EIF2S3: variants seen among roughly 807,000 people sequenced by gnomAD.
EIF2S3 encodes the protein eukaryotic translation initiation factor 2 subunit 3.
EIF2S3 carries 2 observed loss-of-function variants against 31.7 expected under a neutral mutation model. That is an observed-to-expected ratio of 0.06 (90% CI 0.03 to 0.20). The LOEUF is 0.20. EIF2S3 is among the 10% of genes least tolerant of loss of function. The pLI is 1.00. For missense variants in EIF2S3, 96 were observed against 359.3 expected (o/e 0.27, Z 5.92); for synonymous variants, 120 against 126.7 (o/e 0.95, Z 0.36).
intron 2 of EIF2S3, among the ~76,000 whole-genome samples, chrX:24,056,670 C>T (rs183375467): frequency 9.0e-5 from 10 of 111,146 alleles, no homozygotes; most frequent in Non-Finnish European, 1.7e-4. Flanking sequence ...ACCACCTGGG[C>T]AACGTGGCCA....
intron 11 of EIF2S3, among the ~76,000 whole-genome samples, chrX:24,076,351 G>C (rs903611394): frequency 1.8e-5 from 2 of 111,013 alleles, no homozygotes; most frequent in Non-Finnish European, 3.8e-5. Flanking sequence ...GGCCGACATA[G>C]TGAAACCCCA....
chrX:24,059,491 T>G (rs1930459000), intron 4 of EIF2S3, among the ~76,000 whole-genome samples: 1 of 110,196 alleles, frequency 9.1e-6, no homozygotes, highest in East Asian at 2.8e-4. Context: ...GGTGCTATCT[T>G]GGCGCATTGC....
At chrX:24,070,283 C>T (rs937123993) in intron 9 of EIF2S3, among the ~76,000 whole-genome samples, 2 of 106,366 alleles carry the variant, frequency 1.9e-5, no homozygotes, top group Non-Finnish European at 3.9e-5. Flanking sequence ...GATCACACCA[C>T]TGCACTCCAG....
At chrX:24,057,290 A>G (rs1475768153) in intron 2 of EIF2S3, 131 bp from the exon 3 acceptor site, 11 of 838,785 alleles carry the variant, frequency 1.3e-5, no homozygotes, top group South Asian at 2.9e-5. Flanking sequence ...CGGCCTCCCA[A>G]AGTGCTGGGA....
chrX:24,076,620 T>C (rs758821796), intron 11 of EIF2S3, 102 bp from the exon 12 acceptor site: 1 of 813,935 alleles, frequency 1.2e-6, no homozygotes, highest in Non-Finnish European at 1.8e-6. Context: ...GGGAACAAAT[T>C]TGAATTCAGA....
rs747088489 is a variant in EIF2S3 at position 24,076,924 on chromosome X, C to CTTTTTTTTTTTTTTT, written c.*140_*141insTTTTTTTTTTTTTTT. 3 of 106,658 alleles carry CTTTTTTTTTTTTTTT rather than the reference C, an allele frequency of 2.8e-5. 1 individual carries two copies. Among genetic ancestry groups the CTTTTTTTTTTTTTTT allele is most frequent in the Non-Finnish European group, 3.1e-5 (2 of 65,475 alleles). 8.8% of individuals were successfully genotyped at this position (106,658 alleles called of 1,213,427 possible). A position where few individuals can be genotyped will look rare whatever the true frequency, so the allele number is the denominator to read the frequency against. ...CTTAGTAGGTAACGGTAAGGTTATT[C>CTTTTTTTTTTTTTTT]TCTTTTTTTTTTTTTTTTTTTTTGG... On this transcript the variant is annotated 3_prime_UTR_variant, in exon 12 of 12. Transcript: ENST00000253039.
chrX:24,068,481 G>T (rs1183685090), intron 9 of EIF2S3, among the ~76,000 whole-genome samples: 1 of 108,313 alleles, frequency 9.2e-6, no homozygotes, highest in Admixed American at 9.9e-5. Flanking sequence ...GTCTCGCTGT[G>T]TCCTCCAGGC....
At chrX:24,070,447 T>A (rs1930651100) in intron 9 of EIF2S3, among the ~76,000 whole-genome samples, 2 of 80,922 alleles carry the variant, frequency 2.5e-5, no homozygotes, top group South Asian at 1.3e-3. Context: ...TAGTTTTTTT[T>A]TTTTTTTTTT....
intron 10 of EIF2S3, among the ~76,000 whole-genome samples, chrX:24,071,992 C>T (rs781427239): frequency 9.3e-6 from 1 of 107,396 alleles, no homozygotes; most frequent in Non-Finnish European, 1.9e-5. Flanking sequence ...TCTCTTGCCT[C>T]GGTTTCCCAA....
Position 24,076,707 on chromosome X carries a change from A to G in EIF2S3, c.1356-15A>G, listed in dbSNP as rs1226851089. 3 of 1,198,973 alleles carry G rather than the reference A, an allele frequency of 2.5e-6. No homozygotes were observed. Among genetic ancestry groups the G allele is most frequent in the Non-Finnish European group, 3.4e-6 (3 of 889,410 alleles). On this transcript the variant is annotated splice_polypyrimidine_tract_variant and intron_variant, in intron 11 of 11. Coordinates refer to ENST00000253039, the MANE Select transcript of EIF2S3 (RefSeq NM_001415.4). ...GGATGTAAGATTTATGATTTCTTTT[A>G]TTTTCATTTTGCAGTTTAATTGGTT...
Position 24,073,124 on chromosome X carries a change from G to A in EIF2S3, c.1216G>A (p.Val406Met), listed in dbSNP as rs1930697940. Residue 406 changes from valine to methionine, a missense_variant, in exon 11 of 12, where the codon GTG becomes ATG. Coordinates refer to ENST00000253039, the MANE Select transcript of EIF2S3 (RefSeq NM_001415.4). ...QKLSKNEVLM[V>M]NIGSLSTGGR... ...GCTGTCTAAGAATGAAGTGCTCATG[G>A]TGAACATAGGATCCCTGTCAACAGG... 1 of 1,208,764 alleles carries A rather than the reference G, an allele frequency of 8.3e-7. No individual in the cohort carries two copies. Among genetic ancestry groups the A allele is most frequent in the Non-Finnish European group, 1.1e-6 (1 of 894,936 alleles).
intron 5 of EIF2S3, among the ~76,000 whole-genome samples, chrX:24,061,820 G>A (rs1487235989): frequency 9.0e-6 from 1 of 110,881 alleles, no homozygotes; most frequent in Non-Finnish European, 1.9e-5. Context: ...AGCTTGCCTG[G>A]GCCAGAACAT....
intron 4 of EIF2S3, among the ~76,000 whole-genome samples, chrX:24,059,278 A>T (rs1002861699): frequency 1.8e-5 from 2 of 112,220 alleles, no homozygotes; most frequent in Non-Finnish European, 3.8e-5. Context: ...GTTTTAGATC[A>T]TGACAATGTG....
intron 10 of EIF2S3, 109 bp from the exon 11 acceptor site, chrX:24,072,982 T>A: frequency 1.1e-6 from 1 of 881,974 alleles, no homozygotes; most frequent in Non-Finnish European, 1.6e-6. Context: ...TCTATAGAAT[T>A]TTTTTTATGA....
rs966589413 is a variant in EIF2S3, at chrX:24,062,426, A to G, written c.489A>G (p.Glu163=). 6 of 1,197,132 alleles carry G rather than the reference A, an allele frequency of 5.0e-6. No homozygotes were observed. In the African/African-American group the frequency reaches 7.1e-5, roughly 14 times the overall value. ...TTCTTCATCAACTAGCTGGTAATGA[A>G]TCTTGCCCTCAGCCTCAGACATCGG... is the stretch of plus-strand genomic sequence containing the variant. The part of the protein sequence containing the change: ...DAALLLIAGN[E]SCPQPQTSEH... Residue 163 remains glutamate (E), a synonymous_variant, in exon 6 of 12, where the codon GAA becomes GAG. Transcript: ENST00000253039.
rs373670584 is a variant in EIF2S3, at chrX:24,057,575, A to T, written c.261+27A>T. 4.1e-6 allele frequency: 5 copies of T among 1,206,399 alleles called. No homozygotes were observed. In the African/African-American group the frequency reaches 8.8e-5, roughly 21 times the overall value. ...TAAGCTGTGTACTGTGGAACGAGAA[A>T]CTAACTTTAATTGTTGTGCAGATAA... On this transcript the variant is annotated intron_variant, in intron 3 of 11. Coordinates refer to ENST00000253039, the MANE Select transcript of EIF2S3 (RefSeq NM_001415.4).
chrX:24,069,390 AAAC>A (rs1269770522), intron 9 of EIF2S3, among the ~76,000 whole-genome samples: 1 of 108,488 alleles, frequency 9.2e-6, no homozygotes, highest in African/African-American at 3.3e-5. Context: ...AAAAAAAAAA[AAAC>A]AAGAAGAAAA....
intron 9 of EIF2S3, among the ~76,000 whole-genome samples, 168 bp downstream of exon 9, chrX:24,068,276 G>T (rs941935715): frequency 5.4e-5 from 6 of 110,976 alleles, no homozygotes; most frequent in African/African-American, 1.6e-4. Flanking sequence ...GTTATAAGAT[G>T]GTTTCATGGG....
chrX:24,055,789 C>G (rs1602038739), intron 2 of EIF2S3, 111 bp downstream of exon 2: 2 of 768,603 alleles, frequency 2.6e-6, no homozygotes, highest in East Asian at 3.3e-5. Flanking sequence ...GAAATAGATA[C>G]TGAGTCCTTG....
Sources: allele counts gnomAD v4.1 joint callset (sites outside exome capture counted in the v4.1 genomes callset), GRCh38; gene constraint gnomAD v4.1.1; transcripts MANE v1.5; gene names NCBI Gene and HGNC (gene_info 2026-07-23, HGNC 2026-07-21).